Variants in MAGEC3 observed in about 807,000 individuals in gnomAD.
The protein encoded by MAGEC3 is melanoma-associated antigen C3.
In MAGEC3, 34 loss-of-function variants were observed where a neutral mutation model predicts 35.3. That is an observed-to-expected ratio of 0.96 (90% confidence interval 0.73 to 1.28). The LOEUF (loss-of-function observed/expected upper bound fraction) is 1.28, where lower values mean the gene tolerates loss of function less well. Ranked by LOEUF, MAGEC3 falls within the 50% of genes most tolerant of loss-of-function variation. The pLI, the probability that MAGEC3 is intolerant of heterozygous loss-of-function variation, is 0.00. For missense variants in MAGEC3, 561 were observed against 483.6 expected (o/e 1.16, Z -1.50); for synonymous variants, 202 against 185.6 (o/e 1.09, Z -0.72).
chrX:141,876,201 C>G (rs2017919212), intron 2 of MAGEC3, among the ~76,000 whole-genome samples: 1 of 111,958 alleles, frequency 8.9e-6, no homozygotes, highest in African/African-American at 3.2e-5. Context: ...TATTTGTGGA[C>G]CTGGTCAGGT....
intron 1 of MAGEC3, among the ~76,000 whole-genome samples, chrX:141,857,271 GC>G (rs1172899872): frequency 1.8e-5 from 2 of 110,695 alleles, no homozygotes; most frequent in Non-Finnish European, 3.8e-5. Flanking sequence ...GTAAGTAGTG[GC>G]CCAAATCCAC....
At chrX:141,864,160 G>C (rs1257807043) in intron 1 of MAGEC3, among the ~76,000 whole-genome samples, 3 of 109,769 alleles carry the variant, frequency 2.7e-5, no homozygotes, top group Non-Finnish European at 3.8e-5. Flanking sequence ...TTGGAAGTAT[G>C]AATAGAGCTA....
At chrX:141,879,571 G>A in intron 3 of MAGEC3, 140 bp downstream of exon 3, 1 of 777,897 alleles carries the variant, frequency 1.3e-6, no homozygotes, top group East Asian at 3.5e-5. Context: ...TGGGCAGGAA[G>A]GGGTGGAGAA....
chrX:141,893,798 A>G (rs1287194294), intron 4 of MAGEC3, among the ~76,000 whole-genome samples: 3 of 109,302 alleles, frequency 2.7e-5, no homozygotes, highest in Non-Finnish European at 3.8e-5. Context: ...ATGCTCTAAA[A>G]ATGATGTCTA....
In MAGEC3 at chrX:141,838,741, C is replaced by T. The variant is rs2017668408; in HGVS notation, c.123+303C>T. The T allele has an allele frequency of 9.3e-6, 7 of 751,713 alleles. No individual in the cohort carries two copies. The South Asian group carries it at 4.8e-4, about 51-fold the overall frequency. The allele number at this position is 751,713 out of a possible 1,213,427, so 61.9% of individuals were successfully genotyped here. ...GGGGTGAGGCTCTGCAGTGGTGCCT[C>T]ATTTGTGCCTCAGTCCTAAAAGCAG... On this transcript the variant is annotated intron_variant, in intron 1 of 7. Coordinates refer to ENST00000298296, the MANE Select transcript of MAGEC3 (RefSeq NM_138702.1).
At chrX:141,840,559 C>A (rs2124077427) in intron 1 of MAGEC3, among the ~76,000 whole-genome samples, 1 of 111,838 alleles carries the variant, frequency 8.9e-6, no homozygotes, top group East Asian at 2.8e-4. Flanking sequence ...TCATTACTAA[C>A]ATCTCCATGT....
At chrX:141,875,178 A>T (rs1436304246) in intron 2 of MAGEC3, among the ~76,000 whole-genome samples, 1 of 111,334 alleles carries the variant, frequency 9.0e-6, no homozygotes, top group East Asian at 2.8e-4. Context: ...AGTAATGGAG[A>T]TCAATTGAAG....
At chrX:141,845,122 G>A (rs1267189208) in intron 1 of MAGEC3, among the ~76,000 whole-genome samples, 1 of 110,948 alleles carries the variant, frequency 9.0e-6, no homozygotes. Context: ...GTGATGATTT[G>A]TAGGAAATCT....
Position 141,850,326 on chromosome X carries a change from A to G in MAGEC3, c.123+11888A>G, listed in dbSNP as rs780338270. ...TATACTCCAACCTCAGCACTGTGCA[A>G]TATACCACGTAATAAGTCTGCACCT... is the stretch of plus-strand genomic sequence containing the variant. On this transcript the variant is annotated intron_variant, in intron 1 of 7. Coordinates refer to ENST00000298296, the MANE Select transcript of MAGEC3 (RefSeq NM_138702.1). 5.4e-5 allele frequency among the ~76,000 whole-genome samples: 6 copies of G among 110,722 alleles called. No individual in the cohort carries two copies. The South Asian group carries it at 1.9e-3, about 35-fold the overall frequency.
chrX:141,873,718 A>G (rs1372217002), intron 2 of MAGEC3, among the ~76,000 whole-genome samples: 1 of 112,030 alleles, frequency 8.9e-6, no homozygotes, highest in East Asian at 2.8e-4. Context: ...ACTCTAATGA[A>G]TGGAATGAAG....
chrX:141,865,815 G>A (rs1042207519), intron 2 of MAGEC3, among the ~76,000 whole-genome samples: 1 of 111,630 alleles, frequency 9.0e-6, no homozygotes, highest in Non-Finnish European at 1.9e-5. Context: ...GCTCCAGCAT[G>A]CATTAAGGTG....
intron 6 of MAGEC3, among the ~76,000 whole-genome samples, 199 bp downstream of exon 6, chrX:141,895,758 G>C (rs1271552636): frequency 9.3e-6 from 1 of 107,501 alleles, no homozygotes; most frequent in Non-Finnish European, 1.9e-5. Flanking sequence ...TGGAGGGGAA[G>C]GGGAGGCCTT....
intron 4 of MAGEC3, among the ~76,000 whole-genome samples, chrX:141,892,581 A>G (rs1385394391): frequency 9.0e-6 from 1 of 111,281 alleles, no homozygotes; most frequent in African/African-American, 3.3e-5. Flanking sequence ...TTATTTAATA[A>G]TAATGATTAT....
At chrX:141,867,991 T>A (rs760706803) in intron 2 of MAGEC3, among the ~76,000 whole-genome samples, 4 of 109,551 alleles carry the variant, frequency 3.7e-5, no homozygotes, top group African/African-American at 1.3e-4. Flanking sequence ...GGAGTGGTGG[T>A]GGGCGCCTGT....
intron 4 of MAGEC3, among the ~76,000 whole-genome samples, chrX:141,889,129 C>A (rs868059659): frequency 8.9e-6 from 1 of 112,119 alleles, no homozygotes; most frequent in African/African-American, 3.2e-5. Flanking sequence ...TGTTCCCCAT[C>A]GTCCTGAAGC....
intron 6 of MAGEC3, 27 bp from the exon 7 acceptor site, chrX:141,896,855 C>T (rs1236243282): frequency 8.3e-7 from 1 of 1,198,244 alleles, no homozygotes; most frequent in South Asian, 1.8e-5. Flanking sequence ...TCACCCTTAC[C>T]CTCTACTCTC....
At chrX:141,893,299 A>T (rs1285263386) in intron 4 of MAGEC3, among the ~76,000 whole-genome samples, 1 of 111,820 alleles carries the variant, frequency 8.9e-6, no homozygotes, top group Non-Finnish European at 1.9e-5. Context: ...AGAAAATCTT[A>T]AAAGGCTACA....
chrX:141,888,813 C>T (rs180728091), intron 4 of MAGEC3, among the ~76,000 whole-genome samples: 1 of 112,143 alleles, frequency 8.9e-6, no homozygotes, highest in East Asian at 2.8e-4. Flanking sequence ...CAACACTGAG[C>T]CCTCGATATG....
chrX:141,879,586 C>G (rs758337887), intron 3 of MAGEC3, among the ~76,000 whole-genome samples, 155 bp downstream of exon 3: 2 of 108,786 alleles, frequency 1.8e-5, no homozygotes, highest in Non-Finnish European at 3.8e-5. Flanking sequence ...GGAGAAGGGC[C>G]GGGAGGTGGT....
Sources: gnomAD v4.1 joint callset for allele counts (sites outside exome capture counted in the v4.1 genomes callset) on GRCh38, gnomAD v4.1.1 for gene constraint, MANE v1.5 for transcripts, NCBI Gene and HGNC (gene_info 2026-07-23, HGNC 2026-07-21) for gene names.